ZNF430: variants seen among roughly 807,000 people sequenced by gnomAD.
ZNF430 encodes zinc finger protein 430.
Under a neutral mutation model 56.7 loss-of-function variants are expected in ZNF430, and 35 were observed. That is an observed-to-expected ratio of 0.62 (90% CI 0.47 to 0.82). The LOEUF (loss-of-function observed/expected upper bound fraction) is 0.82, where lower values mean the gene tolerates loss of function less well. ZNF430 is among the 40% of genes least tolerant of loss of function. The pLI, the probability that ZNF430 is intolerant of heterozygous loss-of-function variation, is 0.00. For missense variants in ZNF430, 574 were observed against 661.0 expected, an observed-to-expected ratio of 0.87 and a Z score of 1.44; for synonymous variants, 212 against 224.3, an observed-to-expected ratio of 0.94 and a Z score of 0.49.
chr19:21,022,741 G>C, intron 1 of ZNF430, 48 bp from the exon 2 acceptor site: 1 of 1,284,876 alleles, frequency 7.8e-7, no homozygotes, highest in Middle Eastern at 1.8e-4. Context: ...GGTTATGTCA[G>C]TTAGAGTGTC....
intron 2 of ZNF430, among the ~76,000 whole-genome samples, chr19:21,029,349 A>G (rs918257928): frequency 6.6e-6 from 1 of 152,160 alleles, no homozygotes; most frequent in Non-Finnish European, 1.5e-5. Context: ...TGTTTCCTTT[A>G]CTTTGCTAAG....
chr19:21,043,372 G>A (rs1384475290), intron 4 of ZNF430, among the ~76,000 whole-genome samples: 1 of 152,164 alleles, frequency 6.6e-6, no homozygotes, highest in Non-Finnish European at 1.5e-5. Context: ...TCATTAAATA[G>A]GGAGTTTGTT....
chr19:21,022,140 G>A (rs753499781), intron 1 of ZNF430, among the ~76,000 whole-genome samples: 23 of 152,006 alleles, frequency 1.5e-4, no homozygotes, highest in Non-Finnish European at 2.2e-4. Context: ...GCCCAGCCAC[G>A]TTAGATCTTT....
Position 21,042,391 on chromosome 19 carries a change from C to T in ZNF430, c.322+8207C>T, listed in dbSNP as rs879533616. Among the ~76,000 whole-genome samples, 8 of 152,304 alleles carry T rather than the reference C, an allele frequency of 5.3e-5. No individual in the cohort carries two copies. The South Asian group carries it at 6.2e-4, about 12-fold the overall frequency. On this transcript the variant is annotated intron_variant, in intron 4 of 4. Transcript: ENST00000261560. ...GGTCCTTGAGGAATTCCCATAGTGT[C>T]TTCCACAATGATTGAACTAATTTAC...
chr19:21,058,151 T>G lies in ZNF430; in HGVS notation c.*130T>G. 1.1e-6 allele frequency: 1 copy of G among 907,824 alleles called. No homozygotes were observed. The highest frequency in any genetic ancestry group is 1.6e-6 in the Non-Finnish European group (1 of 614,012). The allele number at this position is 907,824 out of a possible 1,614,324, so 56.2% of individuals were successfully genotyped here. ...ACAAGTCCTCAATTCTTACCAGACA[T>G]AAGATAATTCTGGCTGGGTGCGGTG... On this transcript the variant is annotated 3_prime_UTR_variant, in exon 5 of 5. Coordinates refer to ENST00000261560, the MANE Select transcript of ZNF430 (RefSeq NM_025189.4).
intron 2 of ZNF430, among the ~76,000 whole-genome samples, chr19:21,024,276 A>T (rs1173142552): frequency 1.3e-5 from 2 of 152,172 alleles, no homozygotes; most frequent in Non-Finnish European, 2.9e-5. Flanking sequence ...AGATGGTAGG[A>T]GATTGAGAGG....
At chr19:21,044,287 A>G (rs1305582844) in intron 4 of ZNF430, among the ~76,000 whole-genome samples, 1 of 152,162 alleles carries the variant, frequency 6.6e-6, no homozygotes, top group Non-Finnish European at 1.5e-5. Context: ...CATTTTTAAC[A>G]TGAAGGTATG....
intron 2 of ZNF430, among the ~76,000 whole-genome samples, chr19:21,032,921 C>T (rs73014844): frequency 0.071 from 10,798 of 152,174 alleles, 469 homozygotes; most frequent in Non-Finnish European, 0.086. Flanking sequence ...ATATAGCACT[C>T]GAAGTGTACA....
chr19:21,047,218 TG>T (rs1968198507), intron 4 of ZNF430, among the ~76,000 whole-genome samples: 2 of 152,214 alleles, frequency 1.3e-5, no homozygotes, highest in Non-Finnish European at 2.9e-5. Flanking sequence ...TTGGTTGTTT[TG>T]GTTAACAGCT....
At chr19:21,026,710 T>A (rs1359435102) in intron 2 of ZNF430, among the ~76,000 whole-genome samples, 1 of 152,124 alleles carries the variant, frequency 6.6e-6, no homozygotes, top group Admixed American at 6.6e-5. Context: ...GTTTATTAGT[T>A]TAAAGAGCTT....
intron 4 of ZNF430, among the ~76,000 whole-genome samples, chr19:21,041,579 T>A (rs563092106): frequency 6.6e-6 from 1 of 152,334 alleles, no homozygotes; most frequent in East Asian, 1.9e-4. Flanking sequence ...ACATGTCCCA[T>A]GGTGGTTTAC....
intron 4 of ZNF430, among the ~76,000 whole-genome samples, chr19:21,038,546 G>T (rs930231420): frequency 6.6e-6 from 1 of 152,020 alleles, no homozygotes; most frequent in African/African-American, 2.4e-5. Context: ...TTCTGCCTCA[G>T]TCCCCCAAGT....
chr19:21,026,189 C>CT (rs774603493), intron 2 of ZNF430: 1,331 of 148,784 alleles, frequency 8.9e-3, no homozygotes, highest in South Asian at 0.032. Context: ...TAATCTCTGA[C>CT]TTTTTTTTTT....
chr19:21,052,100 T>C (rs1174879487), intron 4 of ZNF430, among the ~76,000 whole-genome samples: 1 of 152,228 alleles, frequency 6.6e-6, no homozygotes, highest in African/African-American at 2.4e-5. Context: ...ATGTGTTTAA[T>C]ATCTATATAG....
rs533642855 is a variant in ZNF430 at position 21,022,625 on chromosome 19, T to G, written c.4-164T>G. On this transcript the variant is annotated intron_variant, in intron 1 of 4. Coordinates refer to ENST00000261560, the MANE Select transcript of ZNF430 (RefSeq NM_025189.4). ...GTCTCAGGATGTTTTTGGGTCAGGG[T>G]TTTCCTTTGGAAACTTTATGGGGTG... Among the ~76,000 whole-genome samples the G allele has an allele frequency of 2.0e-3, 310 of 152,214 alleles. 4 individuals carry two copies. The highest frequency in any genetic ancestry group is 9.3e-4 in the Non-Finnish European group (63 of 68,014).
Position 21,033,502 on chromosome 19 carries a change from AGTGGCAAT to A in ZNF430, c.145_152del (p.Trp49ProfsTer10). The A allele has an allele frequency of 6.2e-7, 1 of 1,611,968 alleles. No homozygotes were observed. Among genetic ancestry groups the A allele is most frequent in the Non-Finnish European group, 8.5e-7 (1 of 1,179,002 alleles). On this transcript the variant is annotated frameshift_variant, in exon 3 of 5. Coordinates refer to ENST00000261560, the MANE Select transcript of ZNF430 (RefSeq NM_025189.4). LOFTEE classifies it high-confidence loss of function. ...GTGGCCATAGAATTTTCTCTGGAGG[AGTGGCAAT>A]GCCTGGACACTGCTCAGCAGGATTT... is the stretch of plus-strand genomic sequence containing the variant.
At position 21,057,580 on chromosome 19, in the gene ZNF430, T is replaced by A. The variant is rs568707583; in HGVS notation, c.1272T>A (p.Thr424=). The change falls in exon 5 of 5, where the codon ACT becomes ACA. Residue 424 remains threonine, a synonymous_variant. Coordinates refer to ENST00000261560, the MANE Select transcript of ZNF430 (RefSeq NM_025189.4). ...TTACTAAACATAAAAGAATTCATAC[T>A]GGAGAGAAACCCTACAAATGTGAAC... ...STLTKHKRIH[T]GEKPYKCEQC... is the part of the protein sequence containing the mutation. 1 of 1,613,416 alleles carries A rather than the reference T, an allele frequency of 6.2e-7. No individual in the cohort carries two copies. The highest frequency in any genetic ancestry group is 1.3e-5 in the African/African-American group (1 of 75,030).
chr19:21,024,753 C>T (rs1175216760), intron 2 of ZNF430, among the ~76,000 whole-genome samples: 1 of 151,462 alleles, frequency 6.6e-6, no homozygotes, highest in African/African-American at 2.4e-5. Context: ...GCACTCCAGC[C>T]TGGGTGACAG....
Position 21,055,433 on chromosome 19 carries a change from AG to A in ZNF430, c.323-1197del, listed in dbSNP as rs373534205. ...AAGAGTTTGTGTTTCTTCTTTTTTT[AG>A]TTTTTTTTTTTGTTTGTTTTTTGTT... On this transcript the variant is annotated intron_variant, in intron 4 of 4. Transcript: ENST00000261560. Among the ~76,000 whole-genome samples the A allele has an allele frequency of 5.7e-3, 844 of 147,562 alleles. 9 individuals are homozygous for A. The highest frequency in any genetic ancestry group is 0.02 in the African/African-American group (805 of 40,184).
Sources: allele counts gnomAD v4.1 joint callset (sites outside exome capture counted in the v4.1 genomes callset), GRCh38; gene constraint gnomAD v4.1.1; transcripts MANE v1.5; gene names NCBI Gene and HGNC (gene_info 2026-07-23, HGNC 2026-07-21).